The following GRK5 variants were observed in gnomAD, a reference collection of about 807,000 sequenced individuals.
The protein encoded by GRK5 is G protein-coupled receptor kinase 5, also known as g protein-coupled receptor kinase GRK5.
Under a neutral mutation model 78.4 loss-of-function variants are expected in GRK5, and 40 were observed. That is an observed-to-expected ratio of 0.51 (90% CI 0.40 to 0.66). The LOEUF (loss-of-function observed/expected upper bound fraction) is 0.66, where lower values mean the gene tolerates loss of function less well. GRK5 is among the 30% of genes least tolerant of loss of function. The pLI is 0.00. For synonymous variants in GRK5, 289 were observed against 296.8 expected (o/e 0.97, Z 0.27); for missense variants, 598 against 759.9 (o/e 0.79, Z 2.50).
chr10:119,415,231 A>G (rs1201223737), intron 4 of GRK5, among the ~76,000 whole-genome samples: 3 of 152,176 alleles, frequency 2.0e-5, no homozygotes, highest in Non-Finnish European at 4.4e-5. Flanking sequence ...TGGTTATGTC[A>G]GAAGCAGGTC....
At position 119,267,413 on chromosome 10, in the gene GRK5, C is replaced by T. The variant is rs1849517320; in HGVS notation, c.53-59103C>T. On this transcript the variant is annotated intron_variant, in intron 1 of 15. Coordinates refer to ENST00000392870, the MANE Select transcript of GRK5 (RefSeq NM_005308.3). This position sits in a 1 kb window ranked among gnomAD's most constrained non-coding sequence, Gnocchi z 4.1. ...TGTTGTCTGGCGCTGCTTTAGATGACCCCTGCTGCTGTCAGATTGCCCGTC... is the reference window on the plus strand; with the variant it reads ...TGTTGTCTGGCGCTGCTTTAGATGATCCCTGCTGCTGTCAGATTGCCCGTC... Among the ~76,000 whole-genome samples the T allele has an allele frequency of 6.6e-6, 1 of 152,162 alleles. No individual in the cohort carries two copies. The highest frequency in any genetic ancestry group is 6.5e-5 in the Admixed American group (1 of 15,284).
At chr10:119,341,273 G>A (rs1850976305) in intron 2 of GRK5, among the ~76,000 whole-genome samples, 2 of 152,098 alleles carry the variant, frequency 1.3e-5, no homozygotes, top group African/African-American at 2.4e-5. Context: ...GTCTGCTCTC[G>A]CCACCACCTG....
rs1203601321 is a variant in GRK5, at chr10:119,326,008, C to T, written c.53-508C>T. Among the ~76,000 whole-genome samples, 4 of 152,170 alleles carry T rather than the reference C, an allele frequency of 2.6e-5. No homozygotes were observed. In the South Asian group the frequency reaches 6.2e-4, roughly 24 times the overall value. On this transcript the variant is annotated intron_variant, in intron 1 of 15. Coordinates refer to ENST00000392870, the MANE Select transcript of GRK5 (RefSeq NM_005308.3). The stretch of plus-strand genomic sequence containing the variant: ...GGGTTTGTGAGGAGCAAGAAGAAGG[C>T]GGTACTTGACAAGTGGAAACTGAAG...
chr10:119,314,397 T>C (rs536542040), intron 1 of GRK5, among the ~76,000 whole-genome samples: 16 of 152,298 alleles, frequency 1.1e-4, no homozygotes, highest in Middle Eastern at 3.4e-3. Context: ...GAAGTGGTTC[T>C]CCTCATGTGA....
chr10:119,239,254 A>C (rs1254549253), intron 1 of GRK5, among the ~76,000 whole-genome samples: 2 of 138,050 alleles, frequency 1.4e-5, no homozygotes, highest in Admixed American at 7.3e-5. Context: ...TTTTTTTTTG[A>C]GACACAGTCT....
intron 6 of GRK5, among the ~76,000 whole-genome samples, chr10:119,426,178 C>T (rs542396157): frequency 1.3e-4 from 20 of 152,366 alleles, no homozygotes; most frequent in African/African-American, 4.3e-4. Flanking sequence ...CAGGAAGCTG[C>T]AGGCCAGGAG....
At chr10:119,211,706 C>T (rs530321557) in intron 1 of GRK5, 3 of 152,278 alleles carry the variant, frequency 2.0e-5, no homozygotes, top group South Asian at 2.1e-4. Flanking sequence ...ACACAGGAAC[C>T]GTTTTTTCAG....
intron 1 of GRK5, among the ~76,000 whole-genome samples, chr10:119,236,426 G>A (rs1268732581): frequency 6.6e-6 from 1 of 152,130 alleles, no homozygotes; most frequent in Non-Finnish European, 1.5e-5. Context: ...GTGTTAGCCA[G>A]GATGGTCTCG....
intron 2 of GRK5, among the ~76,000 whole-genome samples, chr10:119,353,195 C>T (rs1385173537): frequency 5.3e-5 from 8 of 152,032 alleles, no homozygotes; most frequent in Admixed American, 5.2e-4. Flanking sequence ...GGATGCTAGA[C>T]CATGGAAAGA....
At position 119,266,458 on chromosome 10, in the gene GRK5, G is replaced by A. The variant is rs999631803; in HGVS notation, c.52+58489G>A. On this transcript the variant is annotated intron_variant, in intron 1 of 15. Transcript: ENST00000392870. ...AGCCTGGGCAACAGAGCTAGACTCC[G>A]TCTCAAAAAAAAAAAGAAATGATGC... Among the ~76,000 whole-genome samples the A allele has an allele frequency of 4.1e-4, 62 of 151,084 alleles. 2 individuals carry two copies. The highest frequency in any genetic ancestry group is 1.4e-3 in the African/African-American group (56 of 41,202).
intron 2 of GRK5, among the ~76,000 whole-genome samples, chr10:119,366,702 A>G (rs1313160416): frequency 6.6e-6 from 1 of 152,172 alleles, no homozygotes; most frequent in African/African-American, 2.4e-5. Context: ...ATTGACCAAT[A>G]GGTCATTGGT....
chr10:119,430,240 C>A lies in GRK5; in HGVS notation c.534-135C>A. Reference sequence around the variant, plus strand: ...GAAGGTCCAGTCTCCAGCGATGATTCCTGGGGGGTCCCTGGGGCTGCTGTG... The same window carrying A: ...GAAGGTCCAGTCTCCAGCGATGATTACTGGGGGGTCCCTGGGGCTGCTGTG... On this transcript the variant is annotated intron_variant, in intron 6 of 15. Transcript: ENST00000392870. The surrounding 1 kb of genome is among the most constrained non-coding windows in gnomAD (Gnocchi z 4.5). 1.3e-6 allele frequency: 1 copy of A among 762,398 alleles called. No homozygotes were observed. Among genetic ancestry groups the A allele is most frequent in the Non-Finnish European group, 2.3e-6 (1 of 434,418 alleles). The allele number at this position is 762,398 out of a possible 1,614,324, so 47.2% of individuals were successfully genotyped here.
In GRK5 at chr10:119,217,274, T is replaced by C. The variant is rs1426009443; in HGVS notation, c.52+9305T>C. Among the ~76,000 whole-genome samples the C allele has an allele frequency of 6.6e-6, 1 of 152,176 alleles. No individual in the cohort carries two copies. On this transcript the variant is annotated intron_variant, in intron 1 of 15. Coordinates refer to ENST00000392870, the MANE Select transcript of GRK5 (RefSeq NM_005308.3). This position sits in a 1 kb window ranked among gnomAD's most constrained non-coding sequence, Gnocchi z 4.1. ...CAGCTGAGGGCCAGTTTGAGAGCAGTTGGGTAAATTAATTCCTACTAGGTT... is the reference window on the plus strand; with the variant it reads ...CAGCTGAGGGCCAGTTTGAGAGCAGCTGGGTAAATTAATTCCTACTAGGTT...
intron 2 of GRK5, among the ~76,000 whole-genome samples, chr10:119,351,017 C>T (rs1374541464): frequency 6.6e-6 from 1 of 152,094 alleles, no homozygotes. Context: ...GCAACCCAGG[C>T]CCCACCCTCA....
intron 2 of GRK5, among the ~76,000 whole-genome samples, chr10:119,334,108 T>A (rs1850831765): frequency 6.6e-6 from 1 of 152,156 alleles, no homozygotes; most frequent in African/African-American, 2.4e-5. Flanking sequence ...CTGAGACAGA[T>A]TCCTAGGCCA....
intron 4 of GRK5, among the ~76,000 whole-genome samples, chr10:119,408,505 T>C (rs1287206581): frequency 6.6e-6 from 1 of 152,210 alleles, no homozygotes; most frequent in Non-Finnish European, 1.5e-5. Flanking sequence ...TACACTGCAG[T>C]GTTCAACCAT....
intron 2 of GRK5, among the ~76,000 whole-genome samples, chr10:119,364,659 G>T (rs560430307): frequency 6.6e-6 from 1 of 152,078 alleles, no homozygotes; most frequent in South Asian, 2.1e-4. Flanking sequence ...TCAGAACCCC[G>T]GGCCCCCATG....
intron 2 of GRK5, among the ~76,000 whole-genome samples, chr10:119,343,348 G>C (rs916865017): frequency 3.3e-5 from 5 of 152,212 alleles, no homozygotes; most frequent in Non-Finnish European, 7.3e-5. Flanking sequence ...GATGCTTACT[G>C]TGGGCCAGGC....
chr10:119,298,024 A>G (rs1046363156), intron 1 of GRK5, among the ~76,000 whole-genome samples: 42 of 152,144 alleles, frequency 2.8e-4, no homozygotes, highest in African/African-American at 9.7e-4. Context: ...CTTTCTAGCT[A>G]TGTTTCTTCC....
Sources: allele counts gnomAD v4.1 joint callset (sites outside exome capture counted in the v4.1 genomes callset), GRCh38; gene constraint gnomAD v4.1.1; non-coding constraint Gnocchi (gnomAD v3.1); transcripts MANE v1.5; gene names NCBI Gene and HGNC (gene_info 2026-07-23, HGNC 2026-07-21).